The following TTC28 variants were observed in gnomAD, a reference collection of about 807,000 sequenced individuals.
TTC28 encodes the protein tetratricopeptide repeat domain 28.
Under a neutral mutation model 198.0 loss-of-function variants are expected in TTC28, and 61 were observed. The ratio of observed to expected loss-of-function variants is 0.31; its 90% CI spans 0.25 to 0.38. The LOEUF is 0.38. Among genes scored for constraint, TTC28 ranks in the 10% least tolerant of loss-of-function variants. The pLI is 1.00. For missense variants in TTC28, 2,678 were observed against 3,164.0 expected (o/e 0.85, Z 3.69); for synonymous variants, 1,171 against 1,297.8 (o/e 0.90, Z 2.10).
At chr22:28,190,994 G>A (rs552477528) in intron 5 of TTC28, among the ~76,000 whole-genome samples, 2 of 152,194 alleles carry the variant, frequency 1.3e-5, no homozygotes, top group Admixed American at 1.3e-4. Flanking sequence ...ACTTCCCAGT[G>A]CATATGAATC....
chr22:28,297,745 C>T lies in TTC28; in HGVS notation c.637G>A (p.Gly213Arg). 6.4e-7 allele frequency: 1 copy of T among 1,551,652 alleles called. No individual in the cohort carries two copies. The highest frequency in any genetic ancestry group is 8.7e-7 in the Non-Finnish European group (1 of 1,146,996). The change falls in exon 4 of 23, where the codon GGG becomes AGG. Residue 213 changes from glycine (G) to arginine (R), a missense_variant. By Grantham distance (125) the Gly-to-Arg change is moderately radical. Transcript: ENST00000397906. ...GCTTCTAAGACAACCACAGAGGCCC[C>T]ATGATGGCCAGCTGTCAGGAGTTCC... The part of the protein sequence containing the change: ...GQELLTAGHH[G>R]ASVVVLEAAL...
intron 5 of TTC28, among the ~76,000 whole-genome samples, chr22:28,269,254 T>C (rs753765767): frequency 1.3e-5 from 2 of 152,192 alleles, no homozygotes; most frequent in Non-Finnish European, 2.9e-5. Context: ...TCAGTGGTCT[T>C]TGGAAGCTAA....
intron 2 of TTC28, among the ~76,000 whole-genome samples, chr22:28,504,155 A>G (rs1238335469): frequency 1.3e-5 from 2 of 152,196 alleles, no homozygotes; most frequent in Non-Finnish European, 2.9e-5. Flanking sequence ...AAGGAAAAAA[A>G]TTATTTTCTC....
At chr22:28,248,318 G>A (rs900568013) in intron 5 of TTC28, among the ~76,000 whole-genome samples, 1 of 152,092 alleles carries the variant, frequency 6.6e-6, no homozygotes, top group African/African-American at 2.4e-5. Flanking sequence ...TGGAAACTAG[G>A]GGCCAGGCTG....
chr22:28,052,606 A>G (rs1291524284), intron 12 of TTC28, among the ~76,000 whole-genome samples: 2 of 152,234 alleles, frequency 1.3e-5, no homozygotes, highest in African/African-American at 4.8e-5. Flanking sequence ...AGAAAAAAAG[A>G]CCAGCCATTT....
At chr22:28,546,125 A>T (rs2049535909) in intron 2 of TTC28, among the ~76,000 whole-genome samples, 1 of 152,248 alleles carries the variant, frequency 6.6e-6, no homozygotes, top group Admixed American at 6.5e-5. Context: ...TTGCATAAGG[A>T]TAGGTATGTA....
intron 2 of TTC28, among the ~76,000 whole-genome samples, chr22:28,566,551 C>T (rs1041025374): frequency 1.3e-5 from 2 of 152,056 alleles, no homozygotes; most frequent in Admixed American, 6.5e-5. Flanking sequence ...TTTGAATGCT[C>T]GAAGAGAAAT....
At chr22:28,094,045 T>C (rs750727642) in intron 12 of TTC28, 35 bp downstream of exon 12, 9 of 1,492,848 alleles carry the variant, frequency 6.0e-6, no homozygotes, top group African/African-American at 1.4e-5. Context: ...CTGAGATTTA[T>C]CTGAAAATGG....
At chr22:28,072,357 T>G (rs1941021209) in intron 12 of TTC28, among the ~76,000 whole-genome samples, 1 of 152,164 alleles carries the variant, frequency 6.6e-6, no homozygotes. Flanking sequence ...CTAGGCATGG[T>G]CAGGAGCTTG....
At chr22:28,118,834 T>A (rs764271675) in intron 6 of TTC28, among the ~76,000 whole-genome samples, 35 of 152,232 alleles carry the variant, frequency 2.3e-4, no homozygotes, top group Non-Finnish European at 4.7e-4. Context: ...ATATGCTGCA[T>A]GTTTGGGCTC....
At chr22:28,675,562 G>T (rs1432961283) in intron 1 of TTC28, among the ~76,000 whole-genome samples, 1 of 151,948 alleles carries the variant, frequency 6.6e-6, no homozygotes, top group African/African-American at 2.4e-5. Context: ...GACCAGCCTG[G>T]GCAACACGGC....
intron 12 of TTC28, among the ~76,000 whole-genome samples, chr22:28,035,727 T>G (rs1365825588): frequency 6.6e-6 from 1 of 152,222 alleles, no homozygotes; most frequent in Non-Finnish European, 1.5e-5. Flanking sequence ...CTTTGAAACT[T>G]TCCCGTGTGA....
chr22:28,071,761 A>G (rs1359994471), intron 12 of TTC28, among the ~76,000 whole-genome samples: 1 of 151,500 alleles, frequency 6.6e-6, no homozygotes, highest in Non-Finnish European at 1.5e-5. Context: ...AAAAAAAAAA[A>G]AAAAGAAAAA....
intron 2 of TTC28, among the ~76,000 whole-genome samples, chr22:28,472,078 T>A (rs1453705452): frequency 6.6e-6 from 1 of 152,142 alleles, no homozygotes; most frequent in Non-Finnish European, 1.5e-5. Context: ...GAATAGCTAA[T>A]AAAAGCCCCT....
At chr22:28,642,406 T>C (rs2051383071) in intron 1 of TTC28, among the ~76,000 whole-genome samples, 1 of 147,122 alleles carries the variant, frequency 6.8e-6, no homozygotes, top group African/African-American at 2.5e-5. Flanking sequence ...TGTGAATAGA[T>C]AATAACAGTA....
intron 5 of TTC28, among the ~76,000 whole-genome samples, chr22:28,169,323 G>A (rs926094776): frequency 1.3e-5 from 2 of 152,126 alleles, no homozygotes; most frequent in African/African-American, 4.8e-5. Context: ...CGATTACTGG[G>A]TATATACCCA....
rs562942849 is a variant in TTC28, at chr22:28,412,450, C to T, written c.382-105807G>A. Reference sequence around the variant, plus strand: ...TTGAATGTGTGCTGGCTCCTAAAAACCAAAACTCCTTAGCCTGGCATACAA... The same window carrying T: ...TTGAATGTGTGCTGGCTCCTAAAAATCAAAACTCCTTAGCCTGGCATACAA... On this transcript the variant is annotated intron_variant, in intron 2 of 22. Coordinates refer to ENST00000397906, the MANE Select transcript of TTC28 (RefSeq NM_001145418.2). Among the ~76,000 whole-genome samples, 6 of 152,286 alleles carry T rather than the reference C, an allele frequency of 3.9e-5. No homozygotes were observed. The South Asian group carries it at 1.2e-3, about 32-fold the overall frequency.
At chr22:28,001,074 C>G (rs1438640193) in intron 15 of TTC28, 1 of 264,214 alleles carries the variant, frequency 3.8e-6, no homozygotes, top group African/African-American at 2.1e-5. Flanking sequence ...AGCCAGGCCT[C>G]AAGCCTTGCT....
intron 4 of TTC28, among the ~76,000 whole-genome samples, 155 bp downstream of exon 4, chr22:28,297,425 A>G (rs898666327): frequency 2.4e-4 from 36 of 151,704 alleles, no homozygotes; most frequent in African/African-American, 8.7e-4. Flanking sequence ...GGGTGGTCTC[A>G]AATTCCTGGC....
Sources: gnomAD v4.1 joint callset for allele counts (sites outside exome capture counted in the v4.1 genomes callset) on GRCh38, gnomAD v4.1.1 for gene constraint, MANE v1.5 for transcripts, NCBI Gene and HGNC (gene_info 2026-07-23, HGNC 2026-07-21) for gene names.